Variants in MYO1B observed in about 807,000 individuals in gnomAD.
MYO1B encodes myosin IB.
Under a neutral mutation model 159.7 loss-of-function variants are expected in MYO1B, and 72 were observed. The ratio of observed to expected loss-of-function variants is 0.45; its 90% CI spans 0.37 to 0.55. The LOEUF is 0.55. Ranked by LOEUF, MYO1B falls within the 20% of genes least tolerant of loss-of-function variation. The probability of loss-of-function intolerance (pLI) is 0.00; values close to 1 mark genes in which losing one functional copy is unlikely to be tolerated. For synonymous variants in MYO1B, 468 were observed against 473.8 expected, an observed-to-expected ratio of 0.99 and a Z score of 0.16; for missense variants, 1,062 against 1,364.8, an observed-to-expected ratio of 0.78 and a Z score of 3.50.
At chr2:191,411,262 A>C in intron 27 of MYO1B, 90 bp downstream of exon 27, 1 of 749,352 alleles carries the variant, frequency 1.3e-6, no homozygotes, top group Non-Finnish European at 2.2e-6. Context: ...GTTTGATTTC[A>C]GTCTTAGATG....
chr2:191,356,977 GC>G (rs1693334433), intron 7 of MYO1B, among the ~76,000 whole-genome samples: 3 of 152,178 alleles, frequency 2.0e-5, no homozygotes, highest in Non-Finnish European at 4.4e-5. Flanking sequence ...TTTCAGTCAA[GC>G]TTTCATTGTC....
rs184037353 is a variant in MYO1B at position 191,275,137 on chromosome 2, C to T, written c.-9-1750C>T. 2.6e-4 allele frequency among the ~76,000 whole-genome samples: 39 copies of T among 152,174 alleles called. No individual in the cohort carries two copies. In the East Asian group the frequency reaches 7.4e-3, roughly 29 times the overall value. On this transcript the variant is annotated intron_variant, in intron 1 of 30. Coordinates refer to ENST00000392318, the MANE Select transcript of MYO1B (RefSeq NM_001130158.3). ...GCCAGGCTGGTCTTGAACTCCTGAC[C>T]TCATGATCCACCTGCCTCAGCCTCC... is the stretch of plus-strand genomic sequence containing the variant.
intron 13 of MYO1B, among the ~76,000 whole-genome samples, chr2:191,375,515 G>A (rs200464477): frequency 5.9e-5 from 5 of 84,850 alleles, no homozygotes; most frequent in Admixed American, 3.8e-4. Flanking sequence ...ATAGATAGAT[G>A]GATCCAACTG....
intron 30 of MYO1B, among the ~76,000 whole-genome samples, chr2:191,420,896 T>C (rs1697894801): frequency 6.6e-6 from 1 of 152,128 alleles, no homozygotes; most frequent in Non-Finnish European, 1.5e-5. Flanking sequence ...ACATTCCATG[T>C]TATTGTTTGT....
At chr2:191,304,591 A>ACAG (rs1476429954) in intron 3 of MYO1B, among the ~76,000 whole-genome samples, 1 of 151,640 alleles carries the variant, frequency 6.6e-6, no homozygotes, top group Non-Finnish European at 1.5e-5. Flanking sequence ...AACAGCAACA[A>ACAG]CAACAACCCA....
At chr2:191,309,103 G>A (rs1197706995) in intron 3 of MYO1B, among the ~76,000 whole-genome samples, 3 of 152,140 alleles carry the variant, frequency 2.0e-5, no homozygotes, top group South Asian at 2.1e-4. Flanking sequence ...ACCTGCAGGC[G>A]ATCCAGCTAT....
chr2:191,311,256 C>A (rs1347199452), intron 3 of MYO1B, among the ~76,000 whole-genome samples: 3 of 152,132 alleles, frequency 2.0e-5, no homozygotes, highest in Admixed American at 6.6e-5. Flanking sequence ...TTCCATCAGT[C>A]CACATCAACA....
chr2:191,364,116 G>A lies in MYO1B; in HGVS notation c.914-42G>A, dbSNP rs369699483. ...CCTTCAAAATTATTATTAGCAGCAC[G>A]TGTACAGTCACTTTTTGTGTCCATC... On this transcript the variant is annotated intron_variant, in intron 10 of 30. Transcript: ENST00000392318. 18 of 1,477,556 alleles carry A rather than the reference G, an allele frequency of 1.2e-5. No homozygotes were observed. In the East Asian group the frequency reaches 2.3e-4, roughly 19 times the overall value. 91.5% of individuals were successfully genotyped at this position (1,477,556 alleles called of 1,614,324 possible).
intron 3 of MYO1B, among the ~76,000 whole-genome samples, chr2:191,320,423 T>A (rs1297537576): frequency 6.6e-6 from 1 of 152,158 alleles, no homozygotes; most frequent in African/African-American, 2.4e-5. Flanking sequence ...GGAAGACTCT[T>A]ATTATTCTTA....
At chr2:191,285,898 A>T (rs1055721988) in intron 2 of MYO1B, among the ~76,000 whole-genome samples, 2 of 152,076 alleles carry the variant, frequency 1.3e-5, no homozygotes, top group Non-Finnish European at 2.9e-5. Flanking sequence ...GATAGTTGTC[A>T]GGGGTTCCTA....
intron 1 of MYO1B, among the ~76,000 whole-genome samples, chr2:191,249,391 C>T (rs914492712): frequency 6.6e-6 from 1 of 152,198 alleles, no homozygotes; most frequent in Non-Finnish European, 1.5e-5. Flanking sequence ...AAGGGTCTTT[C>T]TTTACAGTAT....
In MYO1B at chr2:191,390,508, A is replaced by G. The variant is rs199826585; in HGVS notation, c.1982+16A>G. 8 of 1,606,314 alleles carry G rather than the reference A, an allele frequency of 5.0e-6. No homozygotes were observed. Among genetic ancestry groups the G allele is most frequent in the Admixed American group, 1.7e-5 (1 of 59,330 alleles). ...GACCAGCCAGGTAAGAAATTCAGTG[A>G]CCATATTTAATAATGAATGTTTTAA... On this transcript the variant is annotated intron_variant, in intron 18 of 30. Transcript: ENST00000392318.
intron 1 of MYO1B, chr2:191,248,046 C>T (rs1685892142): frequency 1.0e-6 from 1 of 983,828 alleles, no homozygotes; most frequent in Non-Finnish European, 1.2e-6. Context: ...GGATCTTCAG[C>T]ATGTAGCATC....
chr2:191,290,821 A>G (rs1688647183), intron 2 of MYO1B, among the ~76,000 whole-genome samples: 2 of 152,198 alleles, frequency 1.3e-5, no homozygotes, highest in Non-Finnish European at 1.5e-5. Context: ...GGCTAGAAGG[A>G]CTTTTCTTTT....
intron 1 of MYO1B, among the ~76,000 whole-genome samples, chr2:191,270,582 T>G (rs1687396628): frequency 6.6e-6 from 1 of 152,252 alleles, no homozygotes; most frequent in African/African-American, 2.4e-5. Context: ...CTCAGAGAGA[T>G]GAGATTCGGT....
At chr2:191,387,600 T>A in intron 17 of MYO1B, 150 bp downstream of exon 17, 1 of 709,532 alleles carries the variant, frequency 1.4e-6, no homozygotes, top group Non-Finnish European at 2.4e-6. Context: ...GGGATTGGCT[T>A]AAAAAATGCT....
At chr2:191,373,228 G>A (rs1389507415) in intron 13 of MYO1B, among the ~76,000 whole-genome samples, 1 of 152,134 alleles carries the variant, frequency 6.6e-6, no homozygotes, top group Non-Finnish European at 1.5e-5. Flanking sequence ...AAATGGCTGT[G>A]CATTGGCATC....
At chr2:191,373,993 A>G (rs1694541253) in intron 13 of MYO1B, among the ~76,000 whole-genome samples, 1 of 152,070 alleles carries the variant, frequency 6.6e-6, no homozygotes, top group African/African-American at 2.4e-5. Flanking sequence ...GGGAGGTTAG[A>G]TTAGCGATTT....
chr2:191,279,713 G>A (rs1450200821), intron 2 of MYO1B, among the ~76,000 whole-genome samples: 1 of 151,990 alleles, frequency 6.6e-6, no homozygotes, highest in Non-Finnish European at 1.5e-5. Context: ...ACATTTTACT[G>A]TCTTCTGCTT....
Sources: gnomAD v4.1 joint callset for allele counts (sites outside exome capture counted in the v4.1 genomes callset) on GRCh38, gnomAD v4.1.1 for gene constraint, MANE v1.5 for transcripts, NCBI Gene and HGNC (gene_info 2026-07-23, HGNC 2026-07-21) for gene names.